The following VWC2 variants were observed in gnomAD, a reference collection of about 807,000 sequenced individuals.
VWC2 encodes the protein von Willebrand factor C domain containing 2.
In VWC2, 14 loss-of-function variants were observed where a neutral mutation model predicts 29.8. That is an observed-to-expected ratio of 0.47 (90% CI 0.31 to 0.74). The LOEUF is 0.74. Among genes scored for constraint, VWC2 ranks in the 30% least tolerant of loss-of-function variants. The pLI is 0.05. For missense variants in VWC2, 457 were observed against 459.8 expected (o/e 0.99, Z 0.05); for synonymous variants, 213 against 199.0 (o/e 1.07, Z -0.59).
intron 3 of VWC2, among the ~76,000 whole-genome samples, chr7:49,881,108 AGCCTGAGAG>A (rs1289764026): frequency 6.6e-6 from 1 of 150,990 alleles, no homozygotes; most frequent in South Asian, 2.1e-4. Flanking sequence ...CAGTTCTCTC[AGCCTGAGAG>A]GCCAGGTTTG....
At chr7:49,844,385 G>A (rs1562727223) in intron 3 of VWC2, among the ~76,000 whole-genome samples, 1 of 152,192 alleles carries the variant, frequency 6.6e-6, no homozygotes, top group Non-Finnish European at 1.5e-5. Flanking sequence ...AGCCAGGTCT[G>A]TCAGAACGAT....
At chr7:49,856,851 T>C (rs1273318110) in intron 3 of VWC2, among the ~76,000 whole-genome samples, 1 of 151,354 alleles carries the variant, frequency 6.6e-6, no homozygotes, top group Non-Finnish European at 1.5e-5. Context: ...CTACTAAAAA[T>C]ACAAAAAATT....
chr7:49,886,920 G>C (rs1583756691), intron 3 of VWC2, among the ~76,000 whole-genome samples: 1 of 151,714 alleles, frequency 6.6e-6, no homozygotes, highest in Non-Finnish European at 1.5e-5. Flanking sequence ...CTACTTTATG[G>C]GTCCTTTTTA....
chr7:49,824,815 AT>A (rs1241787150), intron 3 of VWC2, among the ~76,000 whole-genome samples: 2 of 152,072 alleles, frequency 1.3e-5, no homozygotes, highest in African/African-American at 2.4e-5. Context: ...TTTAATTTCA[AT>A]TTCCAGTTGT....
At position 49,874,180 on chromosome 7, in the gene VWC2, CCACACACA is replaced by C. The variant is rs139144140; in HGVS notation, c.827-37843_827-37836del. ...AGTGAAACTATATACATGCACACACCCACACACACACACACACAGTCATGTGCCTCATA... is the reference window on the plus strand; with the variant it reads ...AGTGAAACTATATACATGCACACACCCACACACACAGTCATGTGCCTCATA... On this transcript the variant is annotated intron_variant, in intron 3 of 3. Transcript: ENST00000340652. Among the ~76,000 whole-genome samples the C allele has an allele frequency of 1.6e-3, 235 of 149,608 alleles. 3 individuals carry two copies. Among genetic ancestry groups the C allele is most frequent in the African/African-American group, 5.5e-3 (225 of 40,932 alleles).
intron 3 of VWC2, among the ~76,000 whole-genome samples, chr7:49,824,590 C>A (rs539417675): frequency 1.3e-5 from 2 of 152,056 alleles, no homozygotes; most frequent in African/African-American, 2.4e-5. Flanking sequence ...TCTACAAAAA[C>A]CCTGTTTTGA....
intron 3 of VWC2, among the ~76,000 whole-genome samples, chr7:49,870,218 G>A (rs1053205254): frequency 6.6e-6 from 1 of 152,170 alleles, no homozygotes; most frequent in Non-Finnish European, 1.5e-5. Context: ...GGCTAAGACA[G>A]TGAAACTCCG....
chr7:49,778,819 C>T (rs956362091), intron 2 of VWC2, among the ~76,000 whole-genome samples: 4 of 152,180 alleles, frequency 2.6e-5, no homozygotes, highest in African/African-American at 9.7e-5. Flanking sequence ...ATGTGCATAG[C>T]ACAAAGTACA....
Position 49,912,435 on chromosome 7 carries a change from A to T in VWC2, c.*250A>T. 1 of 394,728 alleles carries T rather than the reference A, an allele frequency of 2.5e-6. No individual in the cohort carries two copies. Among genetic ancestry groups the T allele is most frequent in the Non-Finnish European group, 4.6e-6 (1 of 215,798 alleles). The allele number at this position is 394,728 out of a possible 1,614,324, so 24.5% of individuals were successfully genotyped here. Reference sequence around the variant, plus strand: ...TGTGCTATTTTCACAGTAAGTACACAAAAGTACACTATTATATATCAAATG... The same window carrying T: ...TGTGCTATTTTCACAGTAAGTACACTAAAGTACACTATTATATATCAAATG... On this transcript the variant is annotated 3_prime_UTR_variant, in exon 4 of 4. Transcript: ENST00000340652.
rs529601793 is a variant in VWC2, at chr7:49,918,550, C to T, written c.*6365C>T. The T allele has an allele frequency of 6.6e-6, 1 of 152,102 alleles. No homozygotes were observed. Among genetic ancestry groups the T allele is most frequent in the Non-Finnish European group, 1.5e-5 (1 of 68,040 alleles). 9.4% of individuals were successfully genotyped at this position (152,102 alleles called of 1,614,324 possible). On this transcript the variant is annotated 3_prime_UTR_variant, in exon 4 of 4. Coordinates refer to ENST00000340652, the MANE Select transcript of VWC2 (RefSeq NM_198570.5). ...TCTCTTTTTAAAAATAGTATTGAAG[C>T]ATCAGGTTGTTCAGGTATGATTCTC...
intron 3 of VWC2, among the ~76,000 whole-genome samples, chr7:49,865,989 T>TA (rs1228860026): frequency 6.6e-6 from 1 of 152,256 alleles, no homozygotes; most frequent in Non-Finnish European, 1.5e-5. Flanking sequence ...AAAAGACTTT[T>TA]ACAGCCATAC....
At chr7:49,831,341 C>T (rs1362142940) in intron 3 of VWC2, among the ~76,000 whole-genome samples, 1 of 151,942 alleles carries the variant, frequency 6.6e-6, no homozygotes, top group African/African-American at 2.4e-5. Context: ...TTTATTTTTT[C>T]TCAAGCAACT....
At chr7:49,867,435 G>A (rs1431483182) in intron 3 of VWC2, among the ~76,000 whole-genome samples, 7 of 152,224 alleles carry the variant, frequency 4.6e-5, no homozygotes, top group Non-Finnish European at 8.8e-5. Flanking sequence ...CAGGTCAACT[G>A]AGAGGCGGAG....
chr7:49,861,606 T>A (rs1449661600), intron 3 of VWC2, among the ~76,000 whole-genome samples: 2 of 152,236 alleles, frequency 1.3e-5, no homozygotes, highest in Admixed American at 6.5e-5. Flanking sequence ...TATTTTCTTT[T>A]AAGAGTTTTA....
chr7:49,806,098 A>AC (rs1562712674), intron 3 of VWC2, among the ~76,000 whole-genome samples: 3 of 151,126 alleles, frequency 2.0e-5, no homozygotes, highest in Non-Finnish European at 2.9e-5. Context: ...TTTAAATTCC[A>AC]CCCCCCCACA....
intron 2 of VWC2, among the ~76,000 whole-genome samples, chr7:49,786,551 A>G (rs1264194145): frequency 6.6e-6 from 1 of 152,318 alleles, no homozygotes; most frequent in Non-Finnish European, 1.5e-5. Context: ...TCTTTGAGAA[A>G]TCTCCAACTA....
At chr7:49,787,623 G>A (rs553765240) in intron 2 of VWC2, among the ~76,000 whole-genome samples, 19 of 152,262 alleles carry the variant, frequency 1.2e-4, no homozygotes, top group African/African-American at 4.1e-4. Context: ...GAACTGCCCC[G>A]AGCGCCTCTA....
At chr7:49,895,946 A>C (rs2128732485) in intron 3 of VWC2, among the ~76,000 whole-genome samples, 1 of 152,306 alleles carries the variant, frequency 6.6e-6, no homozygotes, top group East Asian at 1.9e-4. Flanking sequence ...TAAGTAATTC[A>C]TATTTTCATT....
chr7:49,864,238 G>T (rs1419934382), intron 3 of VWC2, among the ~76,000 whole-genome samples: 1 of 152,136 alleles, frequency 6.6e-6, no homozygotes, highest in East Asian at 1.9e-4. Context: ...TCAAGGGAAA[G>T]AGAGGAAGAC....
Sources: allele counts gnomAD v4.1 joint callset (sites outside exome capture counted in the v4.1 genomes callset), GRCh38; gene constraint gnomAD v4.1.1; transcripts MANE v1.5; gene names NCBI Gene and HGNC (gene_info 2026-07-23, HGNC 2026-07-21).